ERCC1: variants seen among roughly 807,000 people sequenced by gnomAD.
The protein encoded by ERCC1 is ERCC excision repair 1, endonuclease non-catalytic subunit.
In ERCC1, 36 loss-of-function variants were observed where a neutral mutation model predicts 37.6. That is an observed-to-expected ratio of 0.96 (90% CI 0.73 to 1.26). The LOEUF (loss-of-function observed/expected upper bound fraction) is 1.26, where lower values mean the gene tolerates loss of function less well. Ranked by LOEUF, ERCC1 falls within the 50% of genes most tolerant of loss-of-function variation. ERCC1 has a pLI of 0.00. For synonymous variants in ERCC1, 156 were observed against 162.1 expected (o/e 0.96, Z 0.28); for missense variants, 349 against 376.5 (o/e 0.93, Z 0.60).
At chr19:45,427,955 C>T (rs906120612), upstream of ERCC1, among the ~76,000 whole-genome samples, 68 of 152,206 alleles carry the variant, frequency 4.5e-4, no homozygotes, top group African/African-American at 1.5e-3. Context: ...AATTCTGAAT[C>T]GGTTAACGTT....
intron 5 of ERCC1, among the ~76,000 whole-genome samples, 179 bp from the exon 6 acceptor site, chr19:45,417,076 G>A (rs998715918): frequency 2.6e-5 from 4 of 151,738 alleles, no homozygotes; most frequent in Non-Finnish European, 4.4e-5. Context: ...CAACCTGGGC[G>A]ACAGGGTGAG....
chr19:45,421,204 T>C lies in ERCC1; in HGVS notation c.295A>G (p.Asn99Asp). Reference sequence around the variant, plus strand: ...TGCCGAGGGCTCACAATGATGCTGTTGGATTTTGCCCCGGGTTTCAGGGCC... The same window carrying C: ...TGCCGAGGGCTCACAATGATGCTGTCGGATTTTGCCCCGGGTTTCAGGGCC... ...NQALKPGAKS[N>D]SIIVSPRQRG... is the part of the protein sequence containing the mutation. The change falls in exon 3 of 10, where the codon AAC becomes GAC. Residue 99 changes from asparagine (N) to aspartate (D), a missense_variant. Asn to Asp is a conservative substitution (Grantham distance 23). Transcript: ENST00000300853. 3.7e-6 allele frequency: 6 copies of C among 1,614,142 alleles called. No individual in the cohort carries two copies. The highest frequency in any genetic ancestry group is 5.1e-6 in the Non-Finnish European group (6 of 1,180,020).
At chr19:45,417,143 G>A (rs1053615608) in intron 5 of ERCC1, among the ~76,000 whole-genome samples, 2 of 152,080 alleles carry the variant, frequency 1.3e-5, no homozygotes, top group Non-Finnish European at 2.9e-5. Flanking sequence ...TGAAAACACA[G>A]TAGCTCAGGA....
In ERCC1 at chr19:45,409,230, C is replaced by G; in HGVS notation, c.*445G>C. 1.2e-6 allele frequency: 2 copies of G among 1,608,068 alleles called. No individual in the cohort carries two copies. The highest frequency in any genetic ancestry group is 1.7e-6 in the Non-Finnish European group (2 of 1,176,308). On this transcript the variant is annotated 3_prime_UTR_variant, in exon 10 of 10. Transcript: ENST00000300853. Reference sequence around the variant, plus strand: ...GAGCCTCAGGCAGCTCCCACATCCACCAAGAAGAAGAAGAAGAAGAAAGAG... The same window carrying G: ...GAGCCTCAGGCAGCTCCCACATCCAGCAAGAAGAAGAAGAAGAAGAAAGAG...
At chr19:45,427,290 C>CT (rs1974718321), upstream of ERCC1, among the ~76,000 whole-genome samples, 1 of 152,120 alleles carries the variant, frequency 6.6e-6, no homozygotes, top group East Asian at 1.9e-4. Context: ...GAGAATCAGT[C>CT]TAATAGTCTC....
Position 45,419,140 on chromosome 19 carries a change from C to T in ERCC1, c.483G>A (p.Gly161=), listed in dbSNP as rs371397437. Residue 161 remains glycine (G), a synonymous_variant, in exon 5 of 10, where the codon GGG becomes GGA. Coordinates refer to ENST00000300853, the MANE Select transcript of ERCC1 (RefSeq NM_001983.4). ...DYIHGRLQSL[G]KNFALRVLLV... ...GCAGGACCCGCAAGGCGAAGTTCTT[C>T]CCCAGGCTCTGCAGCCGCCCATGGA... The T allele has an allele frequency of 1.9e-6, 3 of 1,595,684 alleles. No homozygotes were observed. Among genetic ancestry groups the T allele is most frequent in the Non-Finnish European group, 2.6e-6 (3 of 1,170,334 alleles).
chr19:45,433,433 C>T (rs1349860353), intron 1 of ERCC1, among the ~76,000 whole-genome samples: 2 of 149,158 alleles, frequency 1.3e-5, no homozygotes, highest in South Asian at 4.3e-4. Context: ...GGCCAAGGCA[C>T]GAGAATCGCT....
chr19:45,417,543 C>T (rs1432221993), intron 5 of ERCC1, among the ~76,000 whole-genome samples: 10 of 151,880 alleles, frequency 6.6e-5, no homozygotes, highest in Admixed American at 6.6e-4. Flanking sequence ...TAATTCGCTC[C>T]CTACGGGAGA....
chr19:45,423,681 C>G (rs566400530), intron 1 of ERCC1, 100 bp downstream of exon 1: 1 of 1,259,458 alleles, frequency 7.9e-7, no homozygotes, highest in Non-Finnish European at 1.0e-6. Context: ...AGGCTAGCAT[C>G]TGGACGCCCT....
Position 45,414,917 on chromosome 19 carries a change from C to T in ERCC1, c.646G>A (p.Glu216Lys), listed in dbSNP as rs1324000920. Residue 216 changes from glutamate to lysine, a missense_variant, in exon 7 of 10, where the codon GAG becomes AAG. Coordinates refer to ENST00000300853, the MANE Select transcript of ERCC1 (RefSeq NM_001983.4). ...ATCAGGAGGTCCGCTGGTTTCTGCTCATAGGCCTTGTAGGTCTCCAGGTAC... is the reference window on the plus strand; with the variant it reads ...ATCAGGAGGTCCGCTGGTTTCTGCTTATAGGCCTTGTAGGTCTCCAGGTAC... ...GRYLETYKAY[E>K]QKPADLLMEK... 6.2e-7 allele frequency: 1 copy of T among 1,613,974 alleles called. No individual in the cohort carries two copies. The highest frequency in any genetic ancestry group is 8.5e-7 in the Non-Finnish European group (1 of 1,179,914).
At chr19:45,436,887 T>C (rs1198900212) in intron 1 of ERCC1, among the ~76,000 whole-genome samples, 1 of 151,804 alleles carries the variant, frequency 6.6e-6, no homozygotes, top group Non-Finnish European at 1.5e-5. Context: ...AGACCAAGAG[T>C]TGGAGATCAA....
chr19:45,421,279 C>A lies in ERCC1; in HGVS notation c.220G>T (p.Ala74Ser). 1 of 1,614,140 alleles carries A rather than the reference C, an allele frequency of 6.2e-7. No individual in the cohort carries two copies. Among genetic ancestry groups the A allele is most frequent in the Non-Finnish European group, 8.5e-7 (1 of 1,180,018 alleles). ...AISQPLEGAG[A>S]TCPTGSEPLA... ...GGCTCTGACCCTGTGGGGCACGTGG[C>A]CCCAGCCCCTTCCAGAGGCTGTGAG... Residue 74 changes from alanine to serine, a missense_variant, in exon 3 of 10, where the codon GCC becomes TCC. Transcript: ENST00000300853.
At chr19:45,425,878 C>CTTT (rs1974677947), upstream of ERCC1, among the ~76,000 whole-genome samples, 2 of 152,266 alleles carry the variant, frequency 1.3e-5, no homozygotes, top group African/African-American at 4.8e-5. Flanking sequence ...TACATGACAT[C>CTTT]CCTCTGTTTC....
chr19:45,450,941 G>T (rs866809418), intron 1 of ERCC1, among the ~76,000 whole-genome samples: 3 of 128,562 alleles, frequency 2.3e-5, no homozygotes, highest in Admixed American at 1.8e-4. Context: ...ACGGACTGTG[G>T]AACGCCGTCG....
rs1184782156 is a variant in ERCC1 at position 45,409,889 on chromosome 19, A to AT, written c.844-165dup. On this transcript the variant is annotated intron_variant, in intron 9 of 9. Coordinates refer to ENST00000300853, the MANE Select transcript of ERCC1 (RefSeq NM_001983.4). Reference sequence around the variant, plus strand: ...ACAATCTTTTTAAGTTATTATTATTATTATTATTTTTTTTTTTTTTGAGAT... The same window carrying AT: ...ACAATCTTTTTAAGTTATTATTATTATTTATTATTTTTTTTTTTTTTGAGAT... 3.5e-4 allele frequency: 82 copies of AT among 237,656 alleles called. 1 individual carries two copies. The highest frequency in any genetic ancestry group is 4.6e-4 in the Non-Finnish European group (67 of 146,428). 14.7% of individuals were successfully genotyped at this position (237,656 alleles called of 1,614,324 possible). A position where few individuals can be genotyped will look rare whatever the true frequency, so the allele number is the denominator to read the frequency against.
At position 45,407,708 on chromosome 19, in the gene ERCC1, G is replaced by T. The variant is rs1317585127; in HGVS notation, c.*1967C>A. The T allele has an allele frequency of 2.8e-5, 7 of 247,592 alleles. No homozygotes were observed. The East Asian group carries it at 3.2e-4, about 11-fold the overall frequency. The allele number at this position is 247,592 out of a possible 1,614,324, so 15.3% of individuals were successfully genotyped here. On this transcript the variant is annotated 3_prime_UTR_variant, in exon 10 of 10. Transcript: ENST00000300853. ...TTTTCAGGCCATAAGCATGAACCTTGTAAGTGCCTAGCTACTCACTTTAAG... is the reference window on the plus strand; with the variant it reads ...TTTTCAGGCCATAAGCATGAACCTTTTAAGTGCCTAGCTACTCACTTTAAG...
At chr19:45,412,419 A>G (rs916413987) in intron 9 of ERCC1, among the ~76,000 whole-genome samples, 1 of 152,210 alleles carries the variant, frequency 6.6e-6, no homozygotes, top group Non-Finnish European at 1.5e-5. Context: ...TCGGCCTCCC[A>G]AAGTGCTGGG....
intron 1 of ERCC1, among the ~76,000 whole-genome samples, chr19:45,432,883 A>C (rs1177321481): frequency 2.6e-5 from 4 of 151,892 alleles, no homozygotes; most frequent in South Asian, 2.1e-4. Context: ...CCTGACCAAC[A>C]TGACCTGACC....
chr19:45,446,970 C>T (rs1415610922), intron 1 of ERCC1, among the ~76,000 whole-genome samples: 1 of 152,032 alleles, frequency 6.6e-6, no homozygotes, highest in African/African-American at 2.4e-5. Context: ...TGCACTCCAG[C>T]CTGGGTGACA....
Sources: gnomAD v4.1 joint callset for allele counts (sites outside exome capture counted in the v4.1 genomes callset) on GRCh38, gnomAD v4.1.1 for gene constraint, MANE v1.5 for transcripts, NCBI Gene and HGNC (gene_info 2026-07-23, HGNC 2026-07-21) for gene names.